TRIR: variants seen among roughly 807,000 people sequenced by gnomAD.
TRIR encodes telomerase RNA component interacting RNase.
TRIR carries 5 observed loss-of-function variants against 18.2 expected under a neutral mutation model. The observed-to-expected ratio is 0.27, with a 90% CI of 0.14 to 0.58. The LOEUF is 0.58. Ranked by LOEUF, TRIR falls within the 20% of genes least tolerant of loss-of-function variation. The pLI is 0.91. For synonymous variants in TRIR, 134 were observed against 114.4 expected (o/e 1.17, Z -1.10); for missense variants, 206 against 252.8 (o/e 0.81, Z 1.25).
In TRIR at chr19:12,731,476, C is replaced by T. The variant is rs766633176; in HGVS notation, c.346-55G>A. The stretch of plus-strand genomic sequence containing the variant: ...TTACAGGAGCCGGGACCGCCCTTGG[C>T]GGCGCTGAGGCCCACTACACCTTCC... On this transcript the variant is annotated intron_variant, in intron 1 of 2. Transcript: ENST00000242784. The surrounding 1 kb of genome is among the most constrained non-coding windows in gnomAD (Gnocchi z 5.1). The T allele has an allele frequency of 1.2e-5, 18 of 1,555,304 alleles. No individual in the cohort carries two copies. The highest frequency in any genetic ancestry group is 5.2e-6 in the Non-Finnish European group (6 of 1,143,956).
rs1967409887 is a variant in TRIR at position 12,730,698 on chromosome 19, G to A, written c.*263C>T. ...AGTGATGGCTAAGGGGAGGGAGGAG[G>A]GTGAGAAGAGGAAGACAGAAAGAGC... On this transcript the variant is annotated 3_prime_UTR_variant, in exon 3 of 3. Coordinates refer to ENST00000242784, the MANE Select transcript of TRIR (RefSeq NM_024038.4). The A allele has an allele frequency of 3.7e-6, 2 of 542,760 alleles. No homozygotes were observed. Among genetic ancestry groups the A allele is most frequent in the East Asian group, 3.2e-5 (1 of 30,988 alleles). 33.6% of individuals were successfully genotyped at this position (542,760 alleles called of 1,614,324 possible). A position where few individuals can be genotyped will look rare whatever the true frequency, so the allele number is the denominator to read the frequency against.
At position 12,731,786 on chromosome 19, in the gene TRIR, TCTC is replaced by T. The variant is rs1967432875; in HGVS notation, c.346-368_346-366del. On this transcript the variant is annotated intron_variant, in intron 1 of 2. Transcript: ENST00000242784. The surrounding 1 kb of genome is among the most constrained non-coding windows in gnomAD (Gnocchi z 5.1). ...TGTGCCAAGTGCTGTGGATGTATCA[TCTC>T]CTTTCATTTTCACAGCTACCCTAAG... The T allele has an allele frequency of 9.3e-6, 2 of 215,340 alleles. No individual in the cohort carries two copies. The highest frequency in any genetic ancestry group is 2.4e-4 in the South Asian group (2 of 8,492). 13.3% of individuals were successfully genotyped at this position (215,340 alleles called of 1,614,324 possible).
In TRIR at chr19:12,734,635, G is replaced by A. The variant is rs374650815; in HGVS notation, c.23C>T (p.Ala8Val). ...CGGAGCCTCCCGGCCCTGAGGCTCC[G>A]CCCGTCTCCCTCGGGCAGCCATTTT... MAARGRR[A>V]EPQGREAPGP... is the part of the protein sequence containing the mutation. The change falls in exon 1 of 3, where the codon GCG becomes GTG. Residue 8 changes from alanine to valine, a missense_variant. Around this residue, in one of 2 missense-constraint regions of TRIR, gnomAD observed 172 missense variants for 165.0 expected, o/e 1.04. Transcript: ENST00000242784. The surrounding 1 kb of genome is among the most constrained non-coding windows in gnomAD (Gnocchi z 4.1). 533 of 1,511,242 alleles carry A rather than the reference G, an allele frequency of 3.5e-4. No homozygotes were observed. The highest frequency in any genetic ancestry group is 4.3e-4 in the Non-Finnish European group (489 of 1,136,998). The allele number at this position is 1,511,242 out of a possible 1,614,324, so 93.6% of individuals were successfully genotyped here. A position where few individuals can be genotyped will look rare whatever the true frequency, so the allele number is the denominator to read the frequency against.
rs1297853873 is a variant in TRIR at position 12,734,560 on chromosome 19, G to C, written c.98C>G (p.Ser33Trp). 2 of 1,530,584 alleles carry C rather than the reference G, an allele frequency of 1.3e-6. No homozygotes were observed. Among genetic ancestry groups the C allele is most frequent in the Non-Finnish European group, 1.7e-6 (2 of 1,143,228 alleles). The allele number at this position is 1,530,584 out of a possible 1,614,324, so 94.8% of individuals were successfully genotyped here. ...GTCCCCGCTCTCGGGCGACGTCCCC[G>C]ATCCCGACTCAGCCCAACGGCTCCC... ...GGGSRWAESG[S>W]GTSPESGDEE... Residue 33 changes from serine to tryptophan, a missense_variant, in exon 1 of 3, where the codon TCG (serine) becomes TGG (tryptophan). This residue lies in a region of TRIR where 172 missense variants were observed against 165.0 expected (regional missense o/e 1.04). Transcript: ENST00000242784. The surrounding 1 kb of genome is among the most constrained non-coding windows in gnomAD (Gnocchi z 4.1).
rs1270015321 is a variant in TRIR at position 12,731,525 on chromosome 19, T to C, written c.346-104A>G. On this transcript the variant is annotated intron_variant, in intron 1 of 2. Transcript: ENST00000242784. The surrounding 1 kb of genome is among the most constrained non-coding windows in gnomAD (Gnocchi z 5.1). Reference sequence around the variant, plus strand: ...CCTAGCCCGGCCTGGTGGCCCGTCCTGACGCCGCGCCCAGCTCCGCCAGCC... The same window carrying C: ...CCTAGCCCGGCCTGGTGGCCCGTCCCGACGCCGCGCCCAGCTCCGCCAGCC... The C allele has an allele frequency of 1.6e-6, 2 of 1,256,812 alleles. No homozygotes were observed. The highest frequency in any genetic ancestry group is 2.2e-6 in the Non-Finnish European group (2 of 911,966). 77.9% of individuals were successfully genotyped at this position (1,256,812 alleles called of 1,614,324 possible).
intron 1 of TRIR, among the ~76,000 whole-genome samples, chr19:12,732,911 ATTTT>A (rs971862799): frequency 6.7e-6 from 1 of 148,622 alleles, no homozygotes; most frequent in South Asian, 2.1e-4. Flanking sequence ...TTTCACACCG[ATTTT>A]TTTTTTAAGA....
chr19:12,734,358 G>T lies in TRIR; in HGVS notation c.300C>A (p.Pro100=). 6.8e-7 allele frequency: 1 copy of T among 1,466,378 alleles called. No homozygotes were observed. Among genetic ancestry groups the T allele is most frequent in the East Asian group, 2.9e-5 (1 of 34,700 alleles). 90.8% of individuals were successfully genotyped at this position (1,466,378 alleles called of 1,614,324 possible). ...GACCGCCCTTCCTCTTCGGATCCCC[G>T]GGGCCAGCGGCGGCGGCCGACTGGT... is the stretch of plus-strand genomic sequence containing the variant. ...RPDQSAAAAG[P]GDPKRKGGPG... Residue 100 remains proline (P), a synonymous_variant, in exon 1 of 3, where the codon CCC becomes CCA. Coordinates refer to ENST00000242784, the MANE Select transcript of TRIR (RefSeq NM_024038.4). This position sits in a 1 kb window ranked among gnomAD's most constrained non-coding sequence, Gnocchi z 4.1.
rs1307415057 is a variant in TRIR, at chr19:12,731,517, GC to G, written c.346-97del. On this transcript the variant is annotated intron_variant, in intron 1 of 2. Coordinates refer to ENST00000242784, the MANE Select transcript of TRIR (RefSeq NM_024038.4). The surrounding 1 kb of genome is among the most constrained non-coding windows in gnomAD (Gnocchi z 5.1). ...TACACCTTCCTAGCCCGGCCTGGTG[GC>G]CCGTCCTGACGCCGCGCCCAGCTCC... The G allele has an allele frequency of 7.4e-7, 1 of 1,356,094 alleles. No homozygotes were observed. The highest frequency in any genetic ancestry group is 1.5e-5 in the African/African-American group (1 of 68,298). The allele number at this position is 1,356,094 out of a possible 1,614,324, so 84.0% of individuals were successfully genotyped here.
rs775431758 is a variant in TRIR, at chr19:12,734,512, G to A, written c.146C>T (p.Ser49Leu). The A allele has an allele frequency of 6.5e-7, 1 of 1,535,842 alleles. No individual in the cohort carries two copies. Among genetic ancestry groups the A allele is most frequent in the East Asian group, 2.5e-5 (1 of 39,238 alleles). The change falls in exon 1 of 3, where the codon TCG (serine) becomes TTG (leucine). Residue 49 changes from serine to leucine, a missense_variant. By Grantham distance (145) the Ser-to-Leu change is moderately radical. Coordinates refer to ENST00000242784, the MANE Select transcript of TRIR (RefSeq NM_024038.4). The surrounding 1 kb of genome is among the most constrained non-coding windows in gnomAD (Gnocchi z 4.1). ...SGDEEVSGAG[S>L]SPVSGGVNLF... is the part of the protein sequence containing the mutation. ...GTTCACGCCGCCCGACACCGGGCTC[G>A]AACCCGCGCCCGACACCTCCTCGTC...
At chr19:12,733,021 A>G (rs1967464289) in intron 1 of TRIR, among the ~76,000 whole-genome samples, 1 of 152,014 alleles carries the variant, frequency 6.6e-6, no homozygotes, top group African/African-American at 2.4e-5. Flanking sequence ...CTCCTGTCTC[A>G]GCCTCCTGGG....
In TRIR at chr19:12,731,735, T is replaced by C. The variant is rs1967432122; in HGVS notation, c.346-314A>G. On this transcript the variant is annotated intron_variant, in intron 1 of 2. Transcript: ENST00000242784. This position sits in a 1 kb window ranked among gnomAD's most constrained non-coding sequence, Gnocchi z 5.1. ...CAAGAGGTGGCAACAGCTCCCTTTATTGAGCATGTACTGTATGCCAAGCCC... is the reference window on the plus strand; with the variant it reads ...CAAGAGGTGGCAACAGCTCCCTTTACTGAGCATGTACTGTATGCCAAGCCC... The C allele has an allele frequency of 9.9e-6, 4 of 404,090 alleles. No homozygotes were observed. Among genetic ancestry groups the C allele is most frequent in the South Asian group, 3.3e-5 (1 of 29,860 alleles). 25.0% of individuals were successfully genotyped at this position (404,090 alleles called of 1,614,324 possible).
rs1967498482 is a variant in TRIR at position 12,734,526 on chromosome 19, C to T, written c.132G>A (p.Val44=). Residue 44 remains valine, a synonymous_variant, in exon 1 of 3, where the codon GTG becomes GTA. Coordinates refer to ENST00000242784, the MANE Select transcript of TRIR (RefSeq NM_024038.4). The surrounding 1 kb of genome is among the most constrained non-coding windows in gnomAD (Gnocchi z 4.1). ...GTSPESGDEE[V]SGAGSSPVSG... ...ACACCGGGCTCGAACCCGCGCCCGA[C>T]ACCTCCTCGTCCCCGCTCTCGGGCG... 3.3e-6 allele frequency: 5 copies of T among 1,536,354 alleles called. No individual in the cohort carries two copies. Among genetic ancestry groups the T allele is most frequent in the Non-Finnish European group, 4.4e-6 (5 of 1,144,266 alleles).
Position 12,733,521 on chromosome 19 carries a change from C to CTCT in TRIR, c.345+789_345+791dup, listed in dbSNP as rs539617110. On this transcript the variant is annotated intron_variant, in intron 1 of 2. Coordinates refer to ENST00000242784, the MANE Select transcript of TRIR (RefSeq NM_024038.4). Reference sequence around the variant, plus strand: ...TAGGAAGTTGAGCAGCATCCCTGGCCTCTACCCATAGATGTCACTAGCACC... The same window carrying CTCT: ...TAGGAAGTTGAGCAGCATCCCTGGCCTCTTCTACCCATAGATGTCACTAGCACC... Among the ~76,000 whole-genome samples the CTCT allele has an allele frequency of 4.6e-3, 697 of 152,254 alleles. 8 individuals are homozygous for CTCT. The highest frequency in any genetic ancestry group is 7.5e-3 in the South Asian group (36 of 4,828).
Position 12,734,664 on chromosome 19 carries a change from G to T in TRIR, c.-7C>A. 7 of 1,500,494 alleles carry T rather than the reference G, an allele frequency of 4.7e-6. No individual in the cohort carries two copies. The highest frequency in any genetic ancestry group is 1.3e-5 in the South Asian group (1 of 79,614). 92.9% of individuals were successfully genotyped at this position (1,500,494 alleles called of 1,614,324 possible). On this transcript the variant is annotated 5_prime_UTR_variant, in exon 1 of 3. Coordinates refer to ENST00000242784, the MANE Select transcript of TRIR (RefSeq NM_024038.4). The surrounding 1 kb of genome is among the most constrained non-coding windows in gnomAD (Gnocchi z 4.1). ...GTCTCCCTCGGGCAGCCATTTTGTC[G>T]CCAGGTGCCGCGCAAAGGACTCCGG...
chr19:12,734,216 C>T lies in TRIR; in HGVS notation c.345+97G>A. On this transcript the variant is annotated intron_variant, in intron 1 of 2. Transcript: ENST00000242784. The surrounding 1 kb of genome is among the most constrained non-coding windows in gnomAD (Gnocchi z 4.1). ...ACCCGGACGGGCCCCTCATTCAGAACGGAAAGTGGACTTCGGTCCCGATCC... is the reference window on the plus strand; with the variant it reads ...ACCCGGACGGGCCCCTCATTCAGAATGGAAAGTGGACTTCGGTCCCGATCC... The T allele has an allele frequency of 8.2e-7, 1 of 1,217,464 alleles. No homozygotes were observed. The highest frequency in any genetic ancestry group is 1.1e-6 in the Non-Finnish European group (1 of 929,284). 75.4% of individuals were successfully genotyped at this position (1,217,464 alleles called of 1,614,324 possible). A position where few individuals can be genotyped will look rare whatever the true frequency, so the allele number is the denominator to read the frequency against.
At chr19:12,732,406 C>T (rs770842035) in intron 1 of TRIR, among the ~76,000 whole-genome samples, 1 of 152,096 alleles carries the variant, frequency 6.6e-6, no homozygotes, top group Non-Finnish European at 1.5e-5. Context: ...GGACTCCACT[C>T]GCAGGTATCA....
rs747584062 is a variant in TRIR, at chr19:12,731,412, G to A, written c.355C>T (p.Arg119Cys). ...PGSTLSFVGKRRGGNKLALKT... is the reference protein window; with the variant it reads ...PGSTLSFVGKCRGGNKLALKT... ...AGGGCTAGTTTGTTCCCGCCTCTGC[G>A]TTTGCCCACCTGGGTGAAGGGACAG... Residue 119 changes from arginine (R) to cysteine (C), a missense_variant, in exon 2 of 3, where the codon CGC (arginine) becomes TGC (cysteine). Arg to Cys is a radical substitution (Grantham distance 180, BLOSUM62 -3). This residue lies in a region of TRIR where 34 missense variants were observed against 87.8 expected (regional missense o/e 0.39). Coordinates refer to ENST00000242784, the MANE Select transcript of TRIR (RefSeq NM_024038.4). This position sits in a 1 kb window ranked among gnomAD's most constrained non-coding sequence, Gnocchi z 5.1. 6.2e-7 allele frequency: 1 copy of A among 1,613,526 alleles called. No homozygotes were observed. Among genetic ancestry groups the A allele is most frequent in the Non-Finnish European group, 8.5e-7 (1 of 1,179,724 alleles).
rs10420261 is a variant in TRIR at position 12,731,584 on chromosome 19, C to G, written c.346-163G>C. ...TGCGCAGCAATCAGAGAGGAGCACA[C>G]GCGACTCAGCGCCTGCCCTGGGCCC... is the stretch of plus-strand genomic sequence containing the variant. On this transcript the variant is annotated intron_variant, in intron 1 of 2. Coordinates refer to ENST00000242784, the MANE Select transcript of TRIR (RefSeq NM_024038.4). The surrounding 1 kb of genome is among the most constrained non-coding windows in gnomAD (Gnocchi z 5.1). The G allele has an allele frequency of 7.3e-6, 5 of 688,678 alleles. No homozygotes were observed. Among genetic ancestry groups the G allele is most frequent in the Non-Finnish European group, 9.6e-6 (4 of 418,052 alleles). 42.7% of individuals were successfully genotyped at this position (688,678 alleles called of 1,614,324 possible).
rs1403599992 is a variant in TRIR at position 12,731,605 on chromosome 19, G to C, written c.346-184C>G. ...CACACGCGACTCAGCGCCTGCCCTGGGCCCGCGGTGCCCTCCCAGGGAGCA... is the reference window on the plus strand; with the variant it reads ...CACACGCGACTCAGCGCCTGCCCTGCGCCCGCGGTGCCCTCCCAGGGAGCA... On this transcript the variant is annotated intron_variant, in intron 1 of 2. Coordinates refer to ENST00000242784, the MANE Select transcript of TRIR (RefSeq NM_024038.4). This position sits in a 1 kb window ranked among gnomAD's most constrained non-coding sequence, Gnocchi z 5.1. 8 of 621,384 alleles carry C rather than the reference G, an allele frequency of 1.3e-5. No homozygotes were observed. The East Asian group carries it at 2.0e-4, about 15-fold the overall frequency. The allele number at this position is 621,384 out of a possible 1,614,324, so 38.5% of individuals were successfully genotyped here. A position where few individuals can be genotyped will look rare whatever the true frequency, so the allele number is the denominator to read the frequency against.
Sources: allele counts gnomAD v4.1 joint callset (sites outside exome capture counted in the v4.1 genomes callset), GRCh38; gene constraint gnomAD v4.1.1; regional missense constraint gnomAD v4.1.1; non-coding constraint Gnocchi (gnomAD v3.1); transcripts MANE v1.5; gene names NCBI Gene and HGNC (gene_info 2026-07-23, HGNC 2026-07-21).